METTL8: variants seen among roughly 807,000 people sequenced by gnomAD.
METTL8 encodes methyltransferase 8, tRNA N3-cytidine.
A neutral mutation model predicts 48.7 loss-of-function variants in METTL8; 32 were observed. The observed-to-expected ratio is 0.66, with a 90% CI of 0.50 to 0.88. METTL8 has a LOEUF of 0.88. Among genes scored for constraint, METTL8 ranks in the 40% least tolerant of loss-of-function variants. METTL8 has a pLI of 0.00. For synonymous variants in METTL8, 136 were observed against 157.1 expected, an observed-to-expected ratio of 0.87 and a Z score of 1.01; for missense variants, 464 against 474.4, an observed-to-expected ratio of 0.98 and a Z score of 0.20.
intron 2 of METTL8, among the ~76,000 whole-genome samples, chr2:171,370,224 T>C (rs1686177609): frequency 6.6e-6 from 1 of 152,192 alleles, no homozygotes; most frequent in African/African-American, 2.4e-5. Context: ...GTTTCTTTTC[T>C]TTCTGTTTTC....
intron 2 of METTL8, among the ~76,000 whole-genome samples, chr2:171,388,394 C>A (rs1439253843): frequency 6.6e-6 from 1 of 152,294 alleles, no homozygotes; most frequent in African/African-American, 2.4e-5. Flanking sequence ...AACCTACCCC[C>A]CATCTGGCCT....
rs1271597704 is a variant in METTL8 at position 171,319,525 on chromosome 2, AT to A, written c.*4646del. 6.6e-6 allele frequency: 1 copy of A among 152,252 alleles called. No individual in the cohort carries two copies. Among genetic ancestry groups the A allele is most frequent in the African/African-American group, 2.4e-5 (1 of 41,474 alleles). 9.4% of individuals were successfully genotyped at this position (152,252 alleles called of 1,614,324 possible). On this transcript the variant is annotated 3_prime_UTR_variant, in exon 10 of 10. Coordinates refer to ENST00000375258, the MANE Select transcript of METTL8 (RefSeq NM_001321154.2). Reference sequence around the variant, plus strand: ...TGCCTCCAAGAGGGCAGCTATCTGCATATGGGTGAATTTTCACGTACAAGCT... The same window carrying A: ...TGCCTCCAAGAGGGCAGCTATCTGCAATGGGTGAATTTTCACGTACAAGCT...
intron 1 of METTL8, among the ~76,000 whole-genome samples, chr2:171,429,571 G>A (rs753768350): frequency 4.6e-5 from 7 of 151,908 alleles, no homozygotes; most frequent in South Asian, 2.1e-4. Flanking sequence ...GTAAATGTTC[G>A]GGTGTTATCG....
intron 1 of METTL8, among the ~76,000 whole-genome samples, chr2:171,427,395 C>G (rs556428024): frequency 6.6e-6 from 1 of 152,284 alleles, no homozygotes; most frequent in South Asian, 2.1e-4. Context: ...ATATCACTCC[C>G]CTCTTCAAAG....
At chr2:171,419,021 CAAA>C (rs58215216) in intron 1 of METTL8, among the ~76,000 whole-genome samples, 429 of 132,302 alleles carry the variant, frequency 3.2e-3, no homozygotes, top group African/African-American at 0.01. Flanking sequence ...GACCCTGTCT[CAAA>C]AAAAAAAAAA....
At chr2:171,429,802 G>A (rs1298582425) in intron 1 of METTL8, among the ~76,000 whole-genome samples, 1 of 152,198 alleles carries the variant, frequency 6.6e-6, no homozygotes, top group Non-Finnish European at 1.5e-5. Context: ...CAGTTTGGGA[G>A]GCAGACGCAG....
intron 2 of METTL8, among the ~76,000 whole-genome samples, chr2:171,362,344 G>C (rs1685247657): frequency 6.6e-6 from 1 of 152,070 alleles, no homozygotes. Context: ...AGATATTGGA[G>C]TAGAAGTGTA....
At chr2:171,347,988 A>G (rs548143182) in intron 3 of METTL8, among the ~76,000 whole-genome samples, 186 of 152,284 alleles carry the variant, frequency 1.2e-3, no homozygotes, top group African/African-American at 4.4e-3. Context: ...GCTCTACGGA[A>G]TAGCAAGTGA....
intron 2 of METTL8, among the ~76,000 whole-genome samples, chr2:171,363,792 T>TTATATATATATATATATATGTATATATA (rs1685406003): frequency 1.0e-5 from 1 of 97,436 alleles, no homozygotes; most frequent in African/African-American, 4.1e-5. Context: ...TCCCCAAATT[T>TTATATATATATATATATATGTATATATA]TATATATATA....
At position 171,339,403 on chromosome 2, in the gene METTL8, T is replaced by C; in HGVS notation, c.387A>G (p.Ser129=). The change falls in exon 4 of 10, where the codon TCA becomes TCG. Residue 129 remains serine, a synonymous_variant. Transcript: ENST00000375258. Reference sequence around the variant, plus strand: ...TAGCACTAGTTTTTACATGATCCCATGATGATTCTCTCGCCTTCTCTTCAG... The same window carrying C: ...TAGCACTAGTTTTTACATGATCCCACGATGATTCTCTCGCCTTCTCTTCAG... The part of the protein sequence containing the change: ...QKPEEKARES[S]WDHVKTSATN... The C allele has an allele frequency of 6.2e-7, 1 of 1,613,756 alleles. No homozygotes were observed. Among genetic ancestry groups the C allele is most frequent in the Non-Finnish European group, 8.5e-7 (1 of 1,179,808 alleles).
chr2:171,345,483 A>C (rs1245632078), intron 3 of METTL8, among the ~76,000 whole-genome samples: 3 of 152,124 alleles, frequency 2.0e-5, no homozygotes, highest in Non-Finnish European at 4.4e-5. Context: ...ATAAAAGAAA[A>C]CTCTTAAAAA....
At chr2:171,434,409 T>A (rs1404999369), upstream of METTL8, 1 of 1,204,002 alleles carries the variant, frequency 8.3e-7, no homozygotes, top group Admixed American at 2.0e-5. Flanking sequence ...CTGCTTTCCC[T>A]CGCCCCGCCG....
chr2:171,418,233 G>A (rs181740135), intron 1 of METTL8, among the ~76,000 whole-genome samples: 6 of 152,156 alleles, frequency 3.9e-5, no homozygotes, highest in East Asian at 1.9e-4. Context: ...GTGAGCCACC[G>A]CACCCGGCCA....
Position 171,367,088 on chromosome 2 carries a change from T to G in METTL8, c.144-6575A>C, listed in dbSNP as rs1685807437. ...AACACATAAATTGAAAGCCCAGAAG[T>G]AGAAAAGAGAGACAAAATGAGTTAA... On this transcript the variant is annotated intron_variant, in intron 2 of 9. Coordinates refer to ENST00000375258, the MANE Select transcript of METTL8 (RefSeq NM_001321154.2). 2.6e-5 allele frequency among the ~76,000 whole-genome samples: 4 copies of G among 151,150 alleles called. No individual in the cohort carries two copies. In the South Asian group the frequency reaches 8.4e-4, roughly 32 times the overall value.
chr2:171,338,815 T>C (rs1686404240), intron 4 of METTL8, among the ~76,000 whole-genome samples: 1 of 152,148 alleles, frequency 6.6e-6, no homozygotes, highest in Non-Finnish European at 1.5e-5. Context: ...AACCAAGGTC[T>C]ACACCAGATT....
At chr2:171,336,462 C>T (rs1321106571) in intron 5 of METTL8, among the ~76,000 whole-genome samples, 2 of 131,102 alleles carry the variant, frequency 1.5e-5, no homozygotes, top group Non-Finnish European at 3.1e-5. Flanking sequence ...AATGCAGTAG[C>T]GAGATCTCGG....
intron 5 of METTL8, among the ~76,000 whole-genome samples, chr2:171,333,527 G>A (rs1268455041): frequency 2.0e-5 from 3 of 152,150 alleles, no homozygotes; most frequent in East Asian, 1.9e-4. Flanking sequence ...TGATTAATAG[G>A]ATTTTGTTAT....
At chr2:171,378,931 C>T (rs755247750) in intron 2 of METTL8, among the ~76,000 whole-genome samples, 1 of 152,214 alleles carries the variant, frequency 6.6e-6, no homozygotes. Context: ...ACAGAACTCT[C>T]CACCCCCAGA....
At chr2:171,358,570 C>G (rs536252328) in intron 3 of METTL8, among the ~76,000 whole-genome samples, 14 of 152,208 alleles carry the variant, frequency 9.2e-5, no homozygotes, top group African/African-American at 2.4e-4. Flanking sequence ...AAAGGACAGT[C>G]TCTTCAATAA....
Sources: allele counts gnomAD v4.1 joint callset (sites outside exome capture counted in the v4.1 genomes callset), GRCh38; gene constraint gnomAD v4.1.1; transcripts MANE v1.5; gene names NCBI Gene and HGNC (gene_info 2026-07-23, HGNC 2026-07-21).